The following DAAM1 variants were observed in gnomAD, a reference collection of about 807,000 sequenced individuals.
DAAM1 encodes the protein disheveled-associated activator of morphogenesis 1.
In DAAM1, 52 loss-of-function variants were observed where a neutral mutation model predicts 130.0. That is an observed-to-expected ratio of 0.40 (90% CI 0.32 to 0.50). DAAM1 has a LOEUF of 0.50. Among genes scored for constraint, DAAM1 ranks in the 20% least tolerant of loss-of-function variants. The probability of loss-of-function intolerance (pLI) is 0.61; values close to 1 mark genes in which losing one functional copy is unlikely to be tolerated. For missense variants in DAAM1, 1,134 were observed against 1,303.8 expected (o/e 0.87, Z 2.01); for synonymous variants, 452 against 444.5 (o/e 1.02, Z -0.21).
At chr14:59,267,059 A>G (rs772362049) in intron 2 of DAAM1, among the ~76,000 whole-genome samples, 4 of 152,344 alleles carry the variant, frequency 2.6e-5, no homozygotes, top group Middle Eastern at 6.8e-3. Context: ...AGATAATTCT[A>G]GTGTCTTCTA....
At chr14:59,361,770 A>G (rs2139684756) in intron 22 of DAAM1, among the ~76,000 whole-genome samples, 1 of 152,288 alleles carries the variant, frequency 6.6e-6, no homozygotes, top group South Asian at 2.1e-4. Context: ...TGCTCAAAGC[A>G]GCCATAGCTT....
At chr14:59,330,245 G>C (rs1370646473) in intron 12 of DAAM1, among the ~76,000 whole-genome samples, 1 of 151,638 alleles carries the variant, frequency 6.6e-6, no homozygotes, top group African/African-American at 2.4e-5. Flanking sequence ...TTTGTTCTGT[G>C]TTTAGAACTG....
Position 59,319,040 on chromosome 14 carries a change from A to G in DAAM1, c.346-1450A>G, listed in dbSNP as rs140256284. ...TGAGCTACAGATTCAAAGTGATTGC[A>G]TAAGAGTCCAAACGAGTTCAGCTAT... On this transcript the variant is annotated intron_variant, in intron 4 of 24. Transcript: ENST00000360909. 6.4e-4 allele frequency among the ~76,000 whole-genome samples: 98 copies of G among 152,324 alleles called. No homozygotes were observed. In the Middle Eastern group the frequency reaches 0.01, roughly 16 times the overall value.
intron 16 of DAAM1, among the ~76,000 whole-genome samples, chr14:59,341,279 C>T (rs570844280): frequency 2.2e-4 from 34 of 152,260 alleles, no homozygotes; most frequent in African/African-American, 7.2e-4. Context: ...AATGGCCGTA[C>T]CCTGTGTTTA....
chr14:59,299,588 A>C (rs1884091415), intron 3 of DAAM1: 1 of 152,204 alleles, frequency 6.6e-6, no homozygotes, highest in South Asian at 2.1e-4. Flanking sequence ...TTCTCAGAAC[A>C]ATAGTGATAA....
intron 1 of DAAM1, among the ~76,000 whole-genome samples, chr14:59,247,673 G>A (rs1470449155): frequency 6.6e-6 from 1 of 151,000 alleles, no homozygotes; most frequent in Admixed American, 6.6e-5. Flanking sequence ...AACTTTCAGC[G>A]ACAGGTTGAT....
intron 8 of DAAM1, 63 bp from the exon 9 acceptor site, chr14:59,325,601 A>T: frequency 1.4e-6 from 2 of 1,381,108 alleles, no homozygotes; most frequent in South Asian, 2.4e-5. Context: ...TAATGTCCTC[A>T]GTCTTATGCA....
chr14:59,216,692 C>T (rs566552206), intron 1 of DAAM1, among the ~76,000 whole-genome samples: 39 of 151,882 alleles, frequency 2.6e-4, no homozygotes, highest in Non-Finnish European at 5.0e-4. Flanking sequence ...TACACTCCAG[C>T]CTGAGGGAGA....
chr14:59,226,348 A>T (rs923134044), intron 1 of DAAM1, among the ~76,000 whole-genome samples: 6 of 152,166 alleles, frequency 3.9e-5, no homozygotes, highest in African/African-American at 1.4e-4. Context: ...TTTTGGTTGC[A>T]AGCAAGAGAA....
intron 1 of DAAM1, among the ~76,000 whole-genome samples, chr14:59,210,001 T>C (rs1308125586): frequency 6.6e-6 from 1 of 151,764 alleles, no homozygotes; most frequent in Non-Finnish European, 1.5e-5. Context: ...ATGGGCATGG[T>C]GGTACACACC....
intron 1 of DAAM1, among the ~76,000 whole-genome samples, chr14:59,256,328 A>T (rs1566670372): frequency 6.6e-6 from 1 of 152,146 alleles, no homozygotes; most frequent in Non-Finnish European, 1.5e-5. Flanking sequence ...ACATTCCCTA[A>T]AATTTGGCCT....
intron 20 of DAAM1, among the ~76,000 whole-genome samples, chr14:59,358,482 C>T (rs1157293613): frequency 6.6e-6 from 1 of 152,226 alleles, no homozygotes; most frequent in Non-Finnish European, 1.5e-5. Context: ...TGGCCCACTT[C>T]CAGGTTCAGC....
Position 59,368,872 on chromosome 14 carries a change from A to G in DAAM1, c.*13A>G. On this transcript the variant is annotated 3_prime_UTR_variant, in exon 25 of 25. Transcript: ENST00000360909. The stretch of plus-strand genomic sequence containing the variant: ...ACTTAATTTCTAATTTTCCATGAAT[A>G]CTTTTTTTTAGAAAGCTCATTAGCA... 6.2e-7 allele frequency: 1 copy of G among 1,611,472 alleles called. No individual in the cohort carries two copies. The highest frequency in any genetic ancestry group is 8.5e-7 in the Non-Finnish European group (1 of 1,178,438).
Position 59,192,869 on chromosome 14 carries a change from C to T in DAAM1, c.-38+4101C>T, listed in dbSNP as rs142348499. Among the ~76,000 whole-genome samples the T allele has an allele frequency of 5.5e-3, 830 of 152,250 alleles. 8 individuals carry two copies. The highest frequency in any genetic ancestry group is 0.019 in the African/African-American group (778 of 41,554). On this transcript the variant is annotated intron_variant, in intron 1 of 24. Transcript: ENST00000360909. ...GACATCGAGACCATCCTGGCTAACA[C>T]GGGGAAACCCCGTCTCTACTAAAAA...
intron 2 of DAAM1, among the ~76,000 whole-genome samples, chr14:59,274,401 A>T (rs1882862468): frequency 6.6e-6 from 1 of 151,016 alleles, no homozygotes; most frequent in African/African-American, 2.4e-5. Flanking sequence ...ATCTTTTGCC[A>T]TCTTTTCAAC....
chr14:59,304,082 G>A (rs1258534204), intron 3 of DAAM1, among the ~76,000 whole-genome samples: 1 of 151,980 alleles, frequency 6.6e-6, no homozygotes, highest in Non-Finnish European at 1.5e-5. Context: ...CTTCTCTCTG[G>A]TTCTTGGCTG....
chr14:59,227,412 G>A (rs796819499), intron 1 of DAAM1, among the ~76,000 whole-genome samples: 4 of 152,144 alleles, frequency 2.6e-5, no homozygotes, highest in East Asian at 3.8e-4. Flanking sequence ...TCACTGAGAC[G>A]GCCATGAGAT....
At chr14:59,204,795 G>T (rs1170249428) in intron 1 of DAAM1, among the ~76,000 whole-genome samples, 1 of 152,246 alleles carries the variant, frequency 6.6e-6, no homozygotes, top group Non-Finnish European at 1.5e-5. Flanking sequence ...ACTTTGGGAG[G>T]CCGAGGCAGG....
chr14:59,346,894 A>T (rs1486246036), intron 16 of DAAM1, among the ~76,000 whole-genome samples: 1 of 152,246 alleles, frequency 6.6e-6, no homozygotes, highest in Non-Finnish European at 1.5e-5. Flanking sequence ...ATGAGACATT[A>T]ACTAGATAAG....
Sources: gnomAD v4.1 joint callset for allele counts (sites outside exome capture counted in the v4.1 genomes callset) on GRCh38, gnomAD v4.1.1 for gene constraint, MANE v1.5 for transcripts, NCBI Gene and HGNC (gene_info 2026-07-23, HGNC 2026-07-21) for gene names.